Variants in MAGI2 observed in about 807,000 individuals in gnomAD.
MAGI2 encodes the protein membrane-associated guanylate kinase, WW and PDZ domain-containing protein 2.
A neutral mutation model predicts 133.3 loss-of-function variants in MAGI2; 35 were observed. The ratio of observed to expected loss-of-function variants is 0.26; its 90% CI spans 0.20 to 0.35. The LOEUF (loss-of-function observed/expected upper bound fraction) is 0.35, where lower values mean the gene tolerates loss of function less well. Ranked by LOEUF, MAGI2 falls within the 10% of genes least tolerant of loss-of-function variation. The pLI is 1.00. For missense variants in MAGI2, 1,636 were observed against 1,863.4 expected (o/e 0.88, Z 2.25); for synonymous variants, 729 against 710.6 (o/e 1.03, Z -0.41).
At chr7:78,198,281 A>G (rs1828908086) in intron 11 of MAGI2, among the ~76,000 whole-genome samples, 1 of 152,174 alleles carries the variant, frequency 6.6e-6, no homozygotes, top group Non-Finnish European at 1.5e-5. Flanking sequence ...TATAGCTGAG[A>G]GAAGTCTGTA....
intron 1 of MAGI2, among the ~76,000 whole-genome samples, chr7:79,082,908 T>C (rs560828866): frequency 1.1e-4 from 17 of 152,012 alleles, no homozygotes; most frequent in African/African-American, 3.1e-4. Context: ...GTTTTGTACA[T>C]TTTGGTTAAA....
chr7:78,334,708 C>T (rs1789572165), intron 9 of MAGI2, among the ~76,000 whole-genome samples: 1 of 152,144 alleles, frequency 6.6e-6, no homozygotes, highest in Admixed American at 6.5e-5. Flanking sequence ...GCAGTCGTAG[C>T]CCAGGCATAT....
chr7:78,728,519 G>A (rs987467846), intron 2 of MAGI2, among the ~76,000 whole-genome samples: 1 of 130,994 alleles, frequency 7.6e-6, no homozygotes, highest in African/African-American at 2.9e-5. Flanking sequence ...TTCAAAATTG[G>A]TATGTCCATC....
At position 78,153,258 on chromosome 7, in the gene MAGI2, G is replaced by T. The variant is rs548889622; in HGVS notation, c.2845+6767C>A. Among the ~76,000 whole-genome samples, 6 of 152,292 alleles carry T rather than the reference G, an allele frequency of 3.9e-5. No individual in the cohort carries two copies. In the East Asian group the frequency reaches 9.7e-4, roughly 25 times the overall value. ...TAAAACCTAAAATGAATGGCTAATTGGTTGCTATTTGGAGGATTTACTGTA... is the reference window on the plus strand; with the variant it reads ...TAAAACCTAAAATGAATGGCTAATTTGTTGCTATTTGGAGGATTTACTGTA... On this transcript the variant is annotated intron_variant, in intron 16 of 21. Coordinates refer to ENST00000354212, the MANE Select transcript of MAGI2 (RefSeq NM_012301.4).
intron 1 of MAGI2, among the ~76,000 whole-genome samples, chr7:79,169,307 A>T (rs537704849): frequency 6.6e-6 from 1 of 152,098 alleles, no homozygotes; most frequent in Non-Finnish European, 1.5e-5. Flanking sequence ...ATTAGAAAAA[A>T]ATCATTTCTC....
intron 1 of MAGI2, among the ~76,000 whole-genome samples, chr7:79,309,008 C>G (rs1315492755): frequency 6.6e-6 from 1 of 152,084 alleles, no homozygotes. Flanking sequence ...AATAAAGCCT[C>G]AGTTAAAATT....
At chr7:78,650,433 G>A (rs322006) in intron 2 of MAGI2, among the ~76,000 whole-genome samples, 88,136 of 151,878 alleles carry the variant, frequency 0.58, 25,788 homozygotes, top group East Asian at 0.75. Flanking sequence ...AAAAGCAAGG[G>A]TCCCATGTGT....
At chr7:78,229,847 C>T (rs1005052926) in intron 10 of MAGI2, among the ~76,000 whole-genome samples, 1 of 152,112 alleles carries the variant, frequency 6.6e-6, no homozygotes, top group African/African-American at 2.4e-5. Context: ...TCAAGCATGT[C>T]AGATGAAAAC....
intron 1 of MAGI2, among the ~76,000 whole-genome samples, chr7:79,329,144 A>G (rs1246649219): frequency 6.6e-6 from 1 of 152,194 alleles, no homozygotes; most frequent in Non-Finnish European, 1.5e-5. Context: ...GGGTTAGCCC[A>G]TTTTCTAGGA....
intron 21 of MAGI2, among the ~76,000 whole-genome samples, chr7:78,048,910 C>T (rs1360457269): frequency 1.3e-5 from 2 of 151,416 alleles, no homozygotes; most frequent in Non-Finnish European, 2.9e-5. Context: ...AGATCGAGAC[C>T]ATCCTGGCCA....
chr7:78,800,335 T>TC (rs1787961635), intron 2 of MAGI2, among the ~76,000 whole-genome samples: 1 of 152,142 alleles, frequency 6.6e-6, no homozygotes, highest in Non-Finnish European at 1.5e-5. Context: ...TGAATTGTGA[T>TC]CCACATAGTC....
At chr7:78,882,976 T>C (rs1333329528) in intron 2 of MAGI2, among the ~76,000 whole-genome samples, 1 of 152,128 alleles carries the variant, frequency 6.6e-6, no homozygotes, top group Admixed American at 6.6e-5. Context: ...TCACTACTTC[T>C]ATTCAATGTA....
intron 6 of MAGI2, among the ~76,000 whole-genome samples, chr7:78,450,526 T>C (rs879439031): frequency 2.6e-5 from 4 of 152,140 alleles, no homozygotes; most frequent in Non-Finnish European, 5.9e-5. Context: ...CTCATTGTGA[T>C]GAAAGTGTTT....
At chr7:79,374,208 CT>C (rs952597080) in intron 1 of MAGI2, among the ~76,000 whole-genome samples, 18 of 151,872 alleles carry the variant, frequency 1.2e-4, no homozygotes, top group African/African-American at 4.3e-4. Context: ...CAGGATGTGG[CT>C]TTTTTTGGAA....
At chr7:78,924,814 CT>C (rs1158144775) in intron 2 of MAGI2, among the ~76,000 whole-genome samples, 2 of 151,594 alleles carry the variant, frequency 1.3e-5, no homozygotes, top group Non-Finnish European at 2.9e-5. Flanking sequence ...TACTGGAATA[CT>C]TGCTGAAATC....
intron 2 of MAGI2, among the ~76,000 whole-genome samples, chr7:78,690,401 C>T (rs572260098): frequency 5.3e-5 from 8 of 152,200 alleles, no homozygotes; most frequent in East Asian, 1.9e-4. Context: ...CCTCTCTGAC[C>T]GCTGCTCCCT....
chr7:78,930,589 T>C (rs1484517313), intron 2 of MAGI2, among the ~76,000 whole-genome samples: 1 of 152,064 alleles, frequency 6.6e-6, no homozygotes, highest in African/African-American at 2.4e-5. Context: ...ATTATAAACA[T>C]GTACTCACTG....
At chr7:78,523,192 T>C (rs536996328) in intron 3 of MAGI2, among the ~76,000 whole-genome samples, 2 of 152,312 alleles carry the variant, frequency 1.3e-5, no homozygotes, top group African/African-American at 2.4e-5. Flanking sequence ...ACTTAACCTC[T>C]GTAAGGCTCA....
chr7:78,229,487 T>C (rs546409843), intron 10 of MAGI2, among the ~76,000 whole-genome samples: 1 of 152,156 alleles, frequency 6.6e-6, no homozygotes, highest in Non-Finnish European at 1.5e-5. Flanking sequence ...AGAAACCACA[T>C]ACTGGGCTCT....
Sources: gnomAD v4.1 joint callset for allele counts (sites outside exome capture counted in the v4.1 genomes callset) on GRCh38, gnomAD v4.1.1 for gene constraint, MANE v1.5 for transcripts, NCBI Gene and HGNC (gene_info 2026-07-23, HGNC 2026-07-21) for gene names.